The following GLIS3 variants were observed in gnomAD, a reference collection of about 807,000 sequenced individuals.
The protein encoded by GLIS3 is zinc finger protein GLIS3.
In GLIS3, 53 loss-of-function variants were observed where a neutral mutation model predicts 78.6. The ratio of observed to expected loss-of-function variants is 0.67; its 90% CI spans 0.54 to 0.85. The LOEUF (loss-of-function observed/expected upper bound fraction) is 0.85. GLIS3 is among the 40% of genes least tolerant of loss of function. The pLI is 0.00. For synonymous variants in GLIS3, 684 were observed against 509.9 expected (o/e 1.34, Z -4.60); for missense variants, 1,703 against 1,231.1 (o/e 1.38, Z -5.74).
Position 4,286,050 on chromosome 9 carries a change from T to C in GLIS3, c.376A>G (p.Asn126Asp). The change falls in exon 2 of 11, where the codon AAT becomes GAT. Residue 126 changes from asparagine (N) to aspartate (D), a missense_variant. Coordinates refer to ENST00000381971, the MANE Select transcript of GLIS3 (RefSeq NM_001042413.2). ...QQEFGSPFPPNPGKGALGFGP... is the reference protein window; with the variant it reads ...QQEFGSPFPPDPGKGALGFGP... The stretch of plus-strand genomic sequence containing the variant: ...AAGACAATCCTACCTTTCCCAGGAT[T>C]TGGAGGAAAAGGGCTTCCAAACTCC... The C allele has an allele frequency of 1.2e-6, 2 of 1,614,060 alleles. No homozygotes were observed. The highest frequency in any genetic ancestry group is 1.7e-6 in the Non-Finnish European group (2 of 1,179,984).
chr9:4,162,888 G>A (rs1315826504), intron 2 of GLIS3, among the ~76,000 whole-genome samples: 3 of 136,172 alleles, frequency 2.2e-5, no homozygotes, highest in Non-Finnish European at 3.1e-5. Context: ...AAAATCAATC[G>A]CCAACAGATC....
intron 6 of GLIS3, among the ~76,000 whole-genome samples, chr9:3,906,194 T>C (rs1390111313): frequency 1.3e-5 from 2 of 152,232 alleles, no homozygotes; most frequent in African/African-American, 4.8e-5. Context: ...TTCCTTGTAA[T>C]GGTGAACCAC....
chr9:4,320,800 A>G (rs1817512086), intron 2 of GLIS3, among the ~76,000 whole-genome samples: 1 of 152,062 alleles, frequency 6.6e-6, no homozygotes, highest in Non-Finnish European at 1.5e-5. Context: ...CAAGCACCCA[A>G]CATTGTATTA....
the GLIS3 span, among the ~76,000 whole-genome samples, chr9:4,455,064 G>C: frequency 1.3e-5 from 2 of 152,002 alleles, no homozygotes; most frequent in Non-Finnish European, 2.9e-5. Context: ...GGGTGGATAG[G>C]GCAAAGTAGA....
At chr9:4,316,131 T>C (rs1323878922) in intron 2 of GLIS3, among the ~76,000 whole-genome samples, 3 of 152,190 alleles carry the variant, frequency 2.0e-5, no homozygotes, top group Non-Finnish European at 2.9e-5. Flanking sequence ...CCTCTCCTAA[T>C]GCCACTGTCA....
chr9:4,455,585 T>G, the GLIS3 span, among the ~76,000 whole-genome samples: 3 of 152,006 alleles, frequency 2.0e-5, no homozygotes, highest in East Asian at 5.8e-4. Flanking sequence ...CTTTCCAAAC[T>G]TAACATTGTA....
intron 8 of GLIS3, among the ~76,000 whole-genome samples, chr9:3,868,836 CATAGTGTTGTATACAACACTTGTTG>C (rs1820780784): frequency 1.2e-3 from 2 of 1,696 alleles, no homozygotes; most frequent in Non-Finnish European, 2.5e-3. Flanking sequence ...ACTTGTTGTA[CATAGTGTTGTATACAACACTTGTTG>C]TACATAGTCT....
intron 4 of GLIS3, among the ~76,000 whole-genome samples, chr9:3,967,011 C>CAAAAAAAAAAAAAA (rs776900943): frequency 6.8e-5 from 2 of 29,596 alleles, no homozygotes; most frequent in African/African-American, 1.5e-4. Flanking sequence ...TTTCTTTCTG[C>CAAAAAAAAAAAAAA]AAAAAAAAAA....
chr9:4,076,129 T>C (rs62521688), intron 4 of GLIS3, among the ~76,000 whole-genome samples: 10,334 of 152,320 alleles, frequency 0.068, 608 homozygotes, highest in African/African-American at 0.16. Flanking sequence ...CTATTTAATG[T>C]AAATTATAGC....
intron 2 of GLIS3, among the ~76,000 whole-genome samples, chr9:4,197,453 G>A (rs956831276): frequency 6.6e-6 from 1 of 152,096 alleles, no homozygotes; most frequent in Non-Finnish European, 1.5e-5. Flanking sequence ...AGTTTAGGCT[G>A]CCCCCCTGCC....
At chr9:4,013,520 G>T (rs1323632974) in intron 4 of GLIS3, among the ~76,000 whole-genome samples, 1 of 152,156 alleles carries the variant, frequency 6.6e-6, no homozygotes, top group East Asian at 1.9e-4. Flanking sequence ...AGACTAATCT[G>T]CATACACATC....
chr9:4,089,206 G>C (rs947051602), intron 4 of GLIS3, among the ~76,000 whole-genome samples: 1 of 152,074 alleles, frequency 6.6e-6, no homozygotes, highest in Non-Finnish European at 1.5e-5. Context: ...AGGTTTTGTG[G>C]GGATGCACTG....
chr9:4,442,465 C>G, the GLIS3 span, among the ~76,000 whole-genome samples: 6 of 152,104 alleles, frequency 3.9e-5, no homozygotes, highest in Non-Finnish European at 8.8e-5. Flanking sequence ...AAGTTTACCA[C>G]CCTGAGTATT....
rs188417527 is a variant in GLIS3, at chr9:4,348,386, C to T, written n.7G>A. ...AAGTGCCTGTTGGAACTCCAGCCAT[C>T]ACCTCCACATCCCATGCAGTGGGAA... On this transcript the variant is annotated non_coding_transcript_exon_variant, in exon 1 of 5. Coordinates refer to the GLIS3 transcript ENST00000471664. The T allele has an allele frequency of 2.5e-4, 38 of 152,370 alleles. 1 individual carries two copies. Among genetic ancestry groups the T allele is most frequent in the African/African-American group, 9.1e-4 (38 of 41,596 alleles). 9.4% of individuals were successfully genotyped at this position (152,370 alleles called of 1,614,324 possible). A position where few individuals can be genotyped will look rare whatever the true frequency, so the allele number is the denominator to read the frequency against.
intron 2 of GLIS3, among the ~76,000 whole-genome samples, chr9:4,156,536 G>A (rs1835053294): frequency 6.6e-6 from 1 of 152,212 alleles, no homozygotes; most frequent in Non-Finnish European, 1.5e-5. Flanking sequence ...GCACAGAGAT[G>A]CTTCAAGGAC....
the GLIS3 span, among the ~76,000 whole-genome samples, chr9:4,356,380 G>A: frequency 1.3e-5 from 2 of 152,164 alleles, no homozygotes; most frequent in Non-Finnish European, 1.5e-5. Context: ...ACAGGGATCC[G>A]ACAAAGCAAT....
intron 4 of GLIS3, among the ~76,000 whole-genome samples, chr9:4,029,911 G>A (rs1823682964): frequency 6.6e-6 from 1 of 152,198 alleles, no homozygotes. Context: ...ACATAGGAGT[G>A]CAGATATCTC....
At chr9:4,091,066 T>C (rs1829455389) in intron 4 of GLIS3, among the ~76,000 whole-genome samples, 1 of 152,168 alleles carries the variant, frequency 6.6e-6, no homozygotes, top group African/African-American at 2.4e-5. Context: ...ATGTATAAAA[T>C]GTTTGAGGCT....
chr9:4,181,366 G>A (rs375971840), intron 2 of GLIS3, among the ~76,000 whole-genome samples: 2 of 152,218 alleles, frequency 1.3e-5, no homozygotes, highest in African/African-American at 4.8e-5. Context: ...TACTCCTCCT[G>A]ATCTCTCTGA....
Sources: gnomAD v4.1 joint callset for allele counts (sites outside exome capture counted in the v4.1 genomes callset) on GRCh38, gnomAD v4.1.1 for gene constraint, MANE v1.5 for transcripts, NCBI Gene and HGNC (gene_info 2026-07-23, HGNC 2026-07-21) for gene names.